MTX2: variants seen among roughly 807,000 people sequenced by gnomAD.
MTX2 encodes metaxin-2.
Under a neutral mutation model 42.3 loss-of-function variants are expected in MTX2, and 35 were observed. The ratio of observed to expected loss-of-function variants is 0.83; its 90% CI spans 0.63 to 1.10. The LOEUF (loss-of-function observed/expected upper bound fraction) is 1.10, where lower values mean the gene tolerates loss of function less well. Ranked by LOEUF, MTX2 falls within the 50% of genes least tolerant of loss-of-function variation. MTX2 has a pLI of 0.00. For synonymous variants in MTX2, 119 were observed against 100.9 expected, an observed-to-expected ratio of 1.18 and a Z score of -1.08; for missense variants, 307 against 304.1, an observed-to-expected ratio of 1.01 and a Z score of -0.07.
intron 1 of MTX2, among the ~76,000 whole-genome samples, chr2:176,272,952 C>A (rs1360344510): frequency 6.6e-6 from 1 of 152,090 alleles, no homozygotes; most frequent in Non-Finnish European, 1.5e-5. Context: ...TAACAGAATA[C>A]CACAGACTAG....
chr2:176,292,788 GTTA>G (rs1401005858), intron 1 of MTX2, among the ~76,000 whole-genome samples: 3 of 152,020 alleles, frequency 2.0e-5, no homozygotes, highest in Non-Finnish European at 4.4e-5. Flanking sequence ...ATCCTAAAAG[GTTA>G]TTTTTTCAGT....
At chr2:176,276,715 C>G (rs181679068) in intron 1 of MTX2, among the ~76,000 whole-genome samples, 14 of 152,208 alleles carry the variant, frequency 9.2e-5, no homozygotes, top group African/African-American at 3.4e-4. Flanking sequence ...AGGATATTAA[C>G]TCTTAACATG....
intron 2 of MTX2, 126 bp downstream of exon 2, chr2:176,297,033 TG>T: frequency 9.4e-7 from 1 of 1,063,454 alleles, no homozygotes; most frequent in Non-Finnish European, 1.4e-6. Context: ...TTGTATAATT[TG>T]TCTAGGAGGT....
Position 176,269,680 on chromosome 2 carries a change from T to C in MTX2, c.40+11T>C. On this transcript the variant is annotated intron_variant, in intron 1 of 9. Transcript: ENST00000249442. ...TCTCCCAGATTGCAGGTAGCGCGGC[T>C]GGCCGCAGACCCAGAAGGTGGCGGC... is the stretch of plus-strand genomic sequence containing the variant. 6.3e-7 allele frequency: 1 copy of C among 1,591,522 alleles called. No homozygotes were observed. The highest frequency in any genetic ancestry group is 8.5e-7 in the Non-Finnish European group (1 of 1,172,156).
chr2:176,291,482 A>G (rs1432622623), intron 1 of MTX2, among the ~76,000 whole-genome samples: 2 of 152,128 alleles, frequency 1.3e-5, no homozygotes, highest in Non-Finnish European at 2.9e-5. Flanking sequence ...GTATTTTCTC[A>G]TGGAGAAGAT....
chr2:176,310,150 C>G (rs543193633), intron 3 of MTX2, among the ~76,000 whole-genome samples: 16 of 152,084 alleles, frequency 1.1e-4, no homozygotes, highest in Non-Finnish European at 1.9e-4. Context: ...GATTTTATTT[C>G]TCCTTCACTT....
At chr2:176,270,951 A>G (rs539275007) in intron 1 of MTX2, among the ~76,000 whole-genome samples, 1 of 152,108 alleles carries the variant, frequency 6.6e-6, no homozygotes, top group Non-Finnish European at 1.5e-5. Context: ...TAGATCAGCG[A>G]TTTAATTTAG....
chr2:176,303,867 C>T (rs1343966434), intron 3 of MTX2, among the ~76,000 whole-genome samples: 5 of 151,834 alleles, frequency 3.3e-5, no homozygotes, highest in Non-Finnish European at 5.9e-5. Flanking sequence ...TTTAACTTAA[C>T]GAAAATTCAC....
intron 3 of MTX2, among the ~76,000 whole-genome samples, chr2:176,305,482 T>A (rs1684120270): frequency 6.6e-6 from 1 of 152,160 alleles, no homozygotes; most frequent in Non-Finnish European, 1.5e-5. Context: ...TTATAACTCT[T>A]GCTTAATTTT....
chr2:176,331,785 A>G (rs1880226), intron 9 of MTX2, among the ~76,000 whole-genome samples: 81,263 of 150,870 alleles, frequency 0.54, 22,051 homozygotes, highest in Admixed American at 0.63. Flanking sequence ...CCAAATGTCA[A>G]TATTACGTGA....
rs142846266 is a variant in MTX2, at chr2:176,329,180, A to T, written c.418-121A>T. On this transcript the variant is annotated intron_variant, in intron 7 of 9. Transcript: ENST00000249442. ...TAATTTTTTAGATTGCAGGATGTGT[A>T]TTTTTTTCAGATTGCTCTATTTATG... is the stretch of plus-strand genomic sequence containing the variant. 1,986 of 1,213,242 alleles carry T rather than the reference A, an allele frequency of 1.6e-3. 32 individuals carry two copies. In the African/African-American group the frequency reaches 0.028, roughly 17 times the overall value. The allele number at this position is 1,213,242 out of a possible 1,614,324, so 75.2% of individuals were successfully genotyped here.
chr2:176,276,792 T>C (rs1490896178), intron 1 of MTX2, among the ~76,000 whole-genome samples: 2 of 152,176 alleles, frequency 1.3e-5, no homozygotes, highest in Admixed American at 1.3e-4. Context: ...TTTACTCATA[T>C]ACCATCTTTT....
intron 1 of MTX2, among the ~76,000 whole-genome samples, chr2:176,284,063 CCTG>C (rs1693139719): frequency 6.6e-6 from 1 of 151,534 alleles, no homozygotes; most frequent in Non-Finnish European, 1.5e-5. Context: ...ATGTAGTTGG[CCTG>C]CTTTTTATTG....
At chr2:176,311,573 A>G (rs1558937427) in intron 3 of MTX2, among the ~76,000 whole-genome samples, 2 of 152,202 alleles carry the variant, frequency 1.3e-5, no homozygotes, top group African/African-American at 2.4e-5. Context: ...TTGAGCCTCC[A>G]GGTGGCTTTG....
intron 3 of MTX2, among the ~76,000 whole-genome samples, chr2:176,323,164 A>G (rs1428876818): frequency 1.3e-5 from 2 of 151,906 alleles, no homozygotes; most frequent in Admixed American, 6.6e-5. Context: ...GTATACATAC[A>G]TACTTTAAGT....
intron 4 of MTX2, among the ~76,000 whole-genome samples, chr2:176,325,344 G>A (rs1684683574): frequency 6.6e-6 from 1 of 151,582 alleles, no homozygotes. Context: ...GCAATAATAA[G>A]GATATAACAT....
In MTX2 at chr2:176,328,355, A is replaced by G. The variant is rs768272951; in HGVS notation, c.348A>G (p.Glu116=). 6.3e-7 allele frequency: 1 copy of G among 1,588,682 alleles called. No individual in the cohort carries two copies. The highest frequency in any genetic ancestry group is 1.2e-5 in the South Asian group (1 of 86,878). The part of the protein sequence containing the change: ...VQKAEMKAYM[E]LVNNMLLTAE... ...AAGCAGAAATGAAAGCTTACATGGA[A>G]TTAGTCAACAATATGCTGTTGACTG... Residue 116 remains glutamate (E), a synonymous_variant, in exon 6 of 10, where the codon GAA becomes GAG. Transcript: ENST00000249442.
intron 1 of MTX2, among the ~76,000 whole-genome samples, chr2:176,278,849 G>A (rs1200677326): frequency 4.0e-5 from 6 of 151,776 alleles, no homozygotes; most frequent in Admixed American, 2.6e-4. Flanking sequence ...CCAGTAAAAG[G>A]GATGCATGCT....
At chr2:176,318,995 T>C (rs1684510843) in intron 3 of MTX2, among the ~76,000 whole-genome samples, 1 of 152,334 alleles carries the variant, frequency 6.6e-6, no homozygotes, top group African/African-American at 2.4e-5. Context: ...GTGGCTACCA[T>C]ATTGGACAGC....
Sources: gnomAD v4.1 joint callset for allele counts (sites outside exome capture counted in the v4.1 genomes callset) on GRCh38, gnomAD v4.1.1 for gene constraint, MANE v1.5 for transcripts, NCBI Gene and HGNC (gene_info 2026-07-23, HGNC 2026-07-21) for gene names.